The following DMGDH variants were observed in gnomAD, a reference collection of about 807,000 sequenced individuals.
The protein encoded by DMGDH is dimethylglycine dehydrogenase, mitochondrial.
Under a neutral mutation model 95.2 loss-of-function variants are expected in DMGDH, and 76 were observed. That is an observed-to-expected ratio of 0.80 (90% CI 0.66 to 0.97). The LOEUF is 0.97. Among genes scored for constraint, DMGDH ranks in the 50% least tolerant of loss-of-function variants. DMGDH has a pLI of 0.00. For synonymous variants in DMGDH, 345 were observed against 377.6 expected (o/e 0.91, Z 1.00); for missense variants, 987 against 1,055.0 (o/e 0.94, Z 0.89).
At chr5:79,039,299 G>C (rs1173779142) in intron 7 of DMGDH, among the ~76,000 whole-genome samples, 1 of 152,064 alleles carries the variant, frequency 6.6e-6, no homozygotes, top group African/African-American at 2.4e-5. Context: ...CAAAGACTTG[G>C]AACCAACCCA....
intron 2 of DMGDH, among the ~76,000 whole-genome samples, chr5:79,060,014 C>T (rs565236981): frequency 2.6e-5 from 4 of 152,256 alleles, no homozygotes; most frequent in Non-Finnish European, 4.4e-5. Flanking sequence ...TCATGGTATA[C>T]GGAAGACAAG....
intron 1 of DMGDH, among the ~76,000 whole-genome samples, chr5:79,065,826 A>T (rs1028207462): frequency 6.6e-6 from 1 of 152,150 alleles, no homozygotes; most frequent in African/African-American, 2.4e-5. Flanking sequence ...CTATGACATC[A>T]CTGGGTGATA....
chr5:79,000,180 T>A (rs1314398681), intron 15 of DMGDH: 4 of 596,970 alleles, frequency 6.7e-6, no homozygotes, highest in Non-Finnish European at 1.3e-5. Context: ...TCCACTAGTA[T>A]GTTTCTGGCA....
intron 4 of DMGDH, among the ~76,000 whole-genome samples, chr5:79,053,535 A>G (rs1754929110): frequency 6.7e-6 from 1 of 149,832 alleles, no homozygotes; most frequent in South Asian, 2.1e-4. Context: ...TAACTGGTAC[A>G]TAAATACGTG....
chr5:79,041,566 T>G (rs139724743), intron 7 of DMGDH, among the ~76,000 whole-genome samples: 1 of 152,240 alleles, frequency 6.6e-6, no homozygotes, highest in African/African-American at 2.4e-5. Context: ...ATGTTATACA[T>G]TTGATATTTT....
chr5:79,051,432 C>G lies in DMGDH; in HGVS notation c.600G>C (p.Met200Ile). ...DGHIDPYSLT[M>I]ALAAGARKCG... Reference sequence around the variant, plus strand: ...ATTTCCTAGCCCCAGCAGCCAGTGCCATAGTTAGAGAATAAGGATCAATGT... The same window carrying G: ...ATTTCCTAGCCCCAGCAGCCAGTGCGATAGTTAGAGAATAAGGATCAATGT... The change falls in exon 5 of 16, where the codon ATG becomes ATC. Residue 200 changes from methionine (M) to isoleucine (I), a missense_variant. Physicochemically the swap from Met to Ile is conservative, Grantham distance 10. Coordinates refer to ENST00000255189, the MANE Select transcript of DMGDH (RefSeq NM_013391.3). 1 of 1,614,106 alleles carries G rather than the reference C, an allele frequency of 6.2e-7. No individual in the cohort carries two copies. Among genetic ancestry groups the G allele is most frequent in the Non-Finnish European group, 8.5e-7 (1 of 1,180,018 alleles).
At chr5:79,022,832 A>G (rs1753901328) in intron 14 of DMGDH, among the ~76,000 whole-genome samples, 1 of 152,228 alleles carries the variant, frequency 6.6e-6, no homozygotes, top group Admixed American at 6.5e-5. Context: ...AGAATCAGTT[A>G]TCTATCTACC....
intron 2 of DMGDH, among the ~76,000 whole-genome samples, chr5:79,060,696 A>G (rs939313278): frequency 2.6e-5 from 4 of 151,198 alleles, no homozygotes; most frequent in African/African-American, 9.7e-5. Context: ...CGAGCAGGGC[A>G]GATCACGAGG....
intron 9 of DMGDH, among the ~76,000 whole-genome samples, 199 bp downstream of exon 9, chr5:79,032,488 C>T (rs1754207177): frequency 6.6e-6 from 1 of 152,192 alleles, no homozygotes; most frequent in South Asian, 2.1e-4. Flanking sequence ...CTCAGGGTCA[C>T]GTGAGTCCTA....
Position 79,069,660 on chromosome 5 carries a change from G to A in DMGDH, c.-40C>T, listed in dbSNP as rs764191756. On this transcript the variant is annotated 5_prime_UTR_variant, in exon 1 of 16. Coordinates refer to ENST00000255189, the MANE Select transcript of DMGDH (RefSeq NM_013391.3). ...CGAGGGCGCAGGCGCCTGCTCCGAG[G>A]CCAGCGGGCAGCCTGAGGCCGCGGG... is the stretch of plus-strand genomic sequence containing the variant. 9 of 1,302,540 alleles carry A rather than the reference G, an allele frequency of 6.9e-6. No individual in the cohort carries two copies. In the African/African-American group the frequency reaches 7.7e-5, roughly 11 times the overall value. 80.7% of individuals were successfully genotyped at this position (1,302,540 alleles called of 1,614,324 possible). A position where few individuals can be genotyped will look rare whatever the true frequency, so the allele number is the denominator to read the frequency against.
At chr5:79,010,118 T>C (rs1303277346) in intron 14 of DMGDH, among the ~76,000 whole-genome samples, 1 of 152,202 alleles carries the variant, frequency 6.6e-6, no homozygotes, top group Non-Finnish European at 1.5e-5. Context: ...TAATACATAC[T>C]AAATATAATA....
chr5:79,040,845 A>T (rs952802402), intron 7 of DMGDH, among the ~76,000 whole-genome samples: 1 of 152,220 alleles, frequency 6.6e-6, no homozygotes, highest in African/African-American at 2.4e-5. Flanking sequence ...AGTGATGTGC[A>T]GGAGAAGCAC....
intron 2 of DMGDH, among the ~76,000 whole-genome samples, chr5:79,057,769 C>G (rs991554589): frequency 6.6e-6 from 1 of 152,124 alleles, no homozygotes; most frequent in Non-Finnish European, 1.5e-5. Flanking sequence ...TTAAACATAT[C>G]TCCTATATAT....
intron 7 of DMGDH, among the ~76,000 whole-genome samples, chr5:79,036,085 G>A (rs1754339540): frequency 6.6e-6 from 1 of 152,236 alleles, no homozygotes; most frequent in South Asian, 2.1e-4. Flanking sequence ...TAACCACCCT[G>A]CGCTTCATTC....
chr5:79,044,502 T>C lies in DMGDH; in HGVS notation c.796A>G (p.Ile266Val). ...GKMIGLEHPL[I>V]PVQHQYVVTS... ...ACAACATATTGATGTTGAACCGGAA[T>C]GAGAGGATGTTCTAGTCCAATCATT... is the stretch of plus-strand genomic sequence containing the variant. Residue 266 changes from isoleucine (I) to valine (V), a missense_variant, in exon 6 of 16, where the codon ATT (isoleucine) becomes GTT (valine). Coordinates refer to ENST00000255189, the MANE Select transcript of DMGDH (RefSeq NM_013391.3). The C allele has an allele frequency of 1.2e-6, 2 of 1,614,172 alleles. No homozygotes were observed. Among genetic ancestry groups the C allele is most frequent in the Non-Finnish European group, 1.7e-6 (2 of 1,180,030 alleles).
chr5:79,007,593 A>C (rs1256896533), intron 14 of DMGDH, among the ~76,000 whole-genome samples: 1 of 152,216 alleles, frequency 6.6e-6, no homozygotes, highest in African/African-American at 2.4e-5. Flanking sequence ...ATCAATAACT[A>C]TACTGAAAAA....
intron 7 of DMGDH, among the ~76,000 whole-genome samples, chr5:79,037,923 A>G (rs1754390070): frequency 1.3e-5 from 2 of 152,232 alleles, no homozygotes; most frequent in Non-Finnish European, 2.9e-5. Flanking sequence ...GACATTTTAA[A>G]AGACCTAAGT....
At chr5:79,016,758 AAG>A (rs1351047304) in intron 14 of DMGDH, among the ~76,000 whole-genome samples, 1 of 152,218 alleles carries the variant, frequency 6.6e-6, no homozygotes, top group Non-Finnish European at 1.5e-5. Context: ...AGCTTTAAAA[AAG>A]AGAACAAAGT....
chr5:79,059,079 T>C (rs907408390), intron 2 of DMGDH, among the ~76,000 whole-genome samples: 1 of 152,222 alleles, frequency 6.6e-6, no homozygotes. Flanking sequence ...TAAATATTAA[T>C]AGAGATCATA....
Sources: allele counts gnomAD v4.1 joint callset (sites outside exome capture counted in the v4.1 genomes callset), GRCh38; gene constraint gnomAD v4.1.1; transcripts MANE v1.5; gene names NCBI Gene and HGNC (gene_info 2026-07-23, HGNC 2026-07-21).